LRMDA: variants seen among roughly 807,000 people sequenced by gnomAD.
LRMDA encodes leucine-rich melanocyte differentiation-associated protein.
In LRMDA, 18 loss-of-function variants were observed where a neutral mutation model predicts 29.8. The ratio of observed to expected loss-of-function variants is 0.60; its 90% confidence interval spans 0.42 to 0.90. The LOEUF is 0.90. Ranked by LOEUF, LRMDA falls within the 40% of genes least tolerant of loss-of-function variation. The probability of loss-of-function intolerance (pLI) is 0.00; values close to 1 mark genes in which losing one functional copy is unlikely to be tolerated. For synonymous variants in LRMDA, 125 were observed against 109.4 expected, an observed-to-expected ratio of 1.14 and a Z score of -0.89; for missense variants, 273 against 273.9, an observed-to-expected ratio of 1.00 and a Z score of 0.02.
At chr10:75,994,827 G>A (rs1847432267) in intron 2 of LRMDA, among the ~76,000 whole-genome samples, 1 of 152,136 alleles carries the variant, frequency 6.6e-6, no homozygotes. Context: ...AAATAACGCA[G>A]CAACTCAACA....
chr10:75,532,465 G>T (rs1449838117), intron 2 of LRMDA, among the ~76,000 whole-genome samples: 3 of 152,168 alleles, frequency 2.0e-5, no homozygotes, highest in African/African-American at 7.2e-5. Context: ...TGGGGAAAGT[G>T]CCTTTTCTGC....
At chr10:75,739,330 T>C (rs980655805) in intron 2 of LRMDA, among the ~76,000 whole-genome samples, 2 of 152,260 alleles carry the variant, frequency 1.3e-5, no homozygotes, top group Non-Finnish European at 1.5e-5. Flanking sequence ...AAGCTTACTT[T>C]ATCATGTTTC....
intron 6 of LRMDA, among the ~76,000 whole-genome samples, chr10:76,428,061 TTC>T (rs1285146896): frequency 1.3e-5 from 2 of 152,198 alleles, no homozygotes; most frequent in African/African-American, 4.8e-5. Flanking sequence ...TGGTCTAAAA[TTC>T]TCTTTTTTTT....
intron 5 of LRMDA, among the ~76,000 whole-genome samples, chr10:76,200,755 T>A (rs1306704262): frequency 6.6e-6 from 1 of 151,378 alleles, no homozygotes; most frequent in Non-Finnish European, 1.5e-5. Context: ...TTAGCTCTTG[T>A]TGCTCAGGCT....
At chr10:76,360,123 G>A (rs954776433) in intron 6 of LRMDA, among the ~76,000 whole-genome samples, 12 of 152,052 alleles carry the variant, frequency 7.9e-5, no homozygotes, top group African/African-American at 2.9e-4. Context: ...TGAGTAGCTG[G>A]GATTACAGGC....
At chr10:75,556,203 AG>A (rs1840211326) in intron 2 of LRMDA, among the ~76,000 whole-genome samples, 1 of 152,214 alleles carries the variant, frequency 6.6e-6, no homozygotes, top group Non-Finnish European at 1.5e-5. Flanking sequence ...AACCACACCC[AG>A]GCGCATCTTG....
intron 2 of LRMDA, among the ~76,000 whole-genome samples, chr10:75,475,170 C>T (rs1844774789): frequency 6.6e-6 from 1 of 152,154 alleles, no homozygotes; most frequent in Non-Finnish European, 1.5e-5. Flanking sequence ...CCTGGTTGGG[C>T]ACATGTGGAA....
At chr10:75,802,422 A>C (rs1357026289) in intron 2 of LRMDA, among the ~76,000 whole-genome samples, 1 of 151,962 alleles carries the variant, frequency 6.6e-6, no homozygotes, top group Non-Finnish European at 1.5e-5. Flanking sequence ...CTTTGGGTGA[A>C]GGATTTACTT....
chr10:75,475,248 G>T (rs1034340394), intron 2 of LRMDA, among the ~76,000 whole-genome samples: 5 of 152,144 alleles, frequency 3.3e-5, no homozygotes, highest in African/African-American at 1.2e-4. Flanking sequence ...TCCTTTCTGG[G>T]TTTCCTGGGG....
chr10:76,171,944 C>T (rs1219883138), intron 5 of LRMDA, among the ~76,000 whole-genome samples: 2 of 152,172 alleles, frequency 1.3e-5, no homozygotes, highest in East Asian at 3.9e-4. Flanking sequence ...AAGTCCAAGA[C>T]TGGGCAGCTG....
At chr10:75,656,116 T>A (rs904830564) in intron 2 of LRMDA, among the ~76,000 whole-genome samples, 2 of 152,260 alleles carry the variant, frequency 1.3e-5, no homozygotes, top group Non-Finnish European at 2.9e-5. Flanking sequence ...TCACATTCTA[T>A]CTCATTCCCA....
chr10:76,239,820 T>G (rs1242954583), intron 5 of LRMDA, among the ~76,000 whole-genome samples: 2 of 152,098 alleles, frequency 1.3e-5, no homozygotes, highest in Admixed American at 1.3e-4. Context: ...CATTACCTCC[T>G]GAGATGCATA....
At chr10:75,973,499 A>G (rs2132441361) in intron 2 of LRMDA, among the ~76,000 whole-genome samples, 1 of 150,634 alleles carries the variant, frequency 6.6e-6, no homozygotes, top group Non-Finnish European at 1.5e-5. Flanking sequence ...ACTCACTGCA[A>G]CCTCCACCTC....
At chr10:75,534,784 C>T (rs960979281) in intron 2 of LRMDA, among the ~76,000 whole-genome samples, 1 of 152,054 alleles carries the variant, frequency 6.6e-6, no homozygotes, top group Non-Finnish European at 1.5e-5. Context: ...AATTTTGAAT[C>T]CCAAAATAAG....
chr10:76,150,439 T>A (rs1267206160), intron 5 of LRMDA, among the ~76,000 whole-genome samples: 1 of 152,190 alleles, frequency 6.6e-6, no homozygotes, highest in East Asian at 1.9e-4. Context: ...CACACAAAAA[T>A]GTGCCTTCCC....
At chr10:76,198,109 T>G (rs1298982271) in intron 5 of LRMDA, among the ~76,000 whole-genome samples, 1 of 152,154 alleles carries the variant, frequency 6.6e-6, no homozygotes, top group African/African-American at 2.4e-5. Flanking sequence ...TGTCAACCAT[T>G]TCTTCCAAGA....
At chr10:75,551,387 G>A (rs372657320) in intron 2 of LRMDA, among the ~76,000 whole-genome samples, 2 of 151,608 alleles carry the variant, frequency 1.3e-5, no homozygotes, top group Non-Finnish European at 2.9e-5. Flanking sequence ...CAGAACATAC[G>A]GGTTTGTTAC....
chr10:75,571,817 A>G (rs1840441160), intron 2 of LRMDA, among the ~76,000 whole-genome samples: 1 of 152,178 alleles, frequency 6.6e-6, no homozygotes, highest in Admixed American at 6.5e-5. Flanking sequence ...AAATATGGAA[A>G]GATCTAGAGA....
chr10:75,477,385 C>A lies in LRMDA; in HGVS notation c.131+38891C>A, dbSNP rs142579451. ...GGTTAGAACTGCAACATACAAATTT[C>A]TTTTGGGGGATGGGTACAATTCAGC... is the stretch of plus-strand genomic sequence containing the variant. On this transcript the variant is annotated intron_variant, in intron 2 of 6. Transcript: ENST00000611255. Among the ~76,000 whole-genome samples the A allele has an allele frequency of 3.4e-3, 511 of 152,286 alleles. 2 individuals carry two copies. The highest frequency in any genetic ancestry group is 0.012 in the African/African-American group (485 of 41,568).
Sources: allele counts gnomAD v4.1 joint callset (sites outside exome capture counted in the v4.1 genomes callset), GRCh38; gene constraint gnomAD v4.1.1; transcripts MANE v1.5; gene names NCBI Gene and HGNC (gene_info 2026-07-23, HGNC 2026-07-21).